Variants in TTLL7 observed in about 807,000 individuals in gnomAD.
TTLL7 encodes the protein tubulin tyrosine ligase like 7.
Under a neutral mutation model 120.2 loss-of-function variants are expected in TTLL7, and 53 were observed. The observed-to-expected ratio is 0.44, with a 90% CI of 0.35 to 0.55. The LOEUF (loss-of-function observed/expected upper bound fraction) is 0.55. Ranked by LOEUF, TTLL7 falls within the 20% of genes least tolerant of loss-of-function variation. The pLI, the probability that TTLL7 is intolerant of heterozygous loss-of-function variation, is 0.00. For synonymous variants in TTLL7, 353 were observed against 351.7 expected, an observed-to-expected ratio of 1.00 and a Z score of -0.04; for missense variants, 803 against 1,054.7, an observed-to-expected ratio of 0.76 and a Z score of 3.31.
chr1:83,970,930 C>T (rs1650916492), intron 1 of TTLL7, among the ~76,000 whole-genome samples: 1 of 151,966 alleles, frequency 6.6e-6, no homozygotes, highest in African/African-American at 2.4e-5. Context: ...CAACTAGGGT[C>T]AACCAGCAGT....
chr1:83,937,439 G>A lies in TTLL7; in HGVS notation c.888+413C>T, dbSNP rs150558257. ...GCTGGTCTCGAACTCCTGACCTCAAGTGATCCACCTGCCTCAGCCTCCCAA... is the reference window on the plus strand; with the variant it reads ...GCTGGTCTCGAACTCCTGACCTCAAATGATCCACCTGCCTCAGCCTCCCAA... On this transcript the variant is annotated intron_variant, in intron 8 of 20. Transcript: ENST00000260505. Among the ~76,000 whole-genome samples the A allele has an allele frequency of 2.5e-3, 386 of 152,220 alleles. 1 individual carries two copies. The highest frequency in any genetic ancestry group is 8.9e-3 in the African/African-American group (370 of 41,516).
chr1:83,956,493 T>A (rs1195079111), intron 1 of TTLL7, among the ~76,000 whole-genome samples: 1 of 148,766 alleles, frequency 6.7e-6, no homozygotes, highest in Non-Finnish European at 1.5e-5. Flanking sequence ...AATGGCACAA[T>A]CTTGGCTCAC....
chr1:83,920,933 C>A (rs1658596361), intron 12 of TTLL7, among the ~76,000 whole-genome samples, 154 bp downstream of exon 12: 1 of 152,042 alleles, frequency 6.6e-6, no homozygotes, highest in African/African-American at 2.4e-5. Flanking sequence ...CATCTCCCTG[C>A]TGACTACCTT....
At chr1:83,923,359 A>G (rs1171680294) in intron 10 of TTLL7, among the ~76,000 whole-genome samples, 1 of 151,974 alleles carries the variant, frequency 6.6e-6, no homozygotes, top group Non-Finnish European at 1.5e-5. Flanking sequence ...TAAACAATCC[A>G]CAAGAGAAAA....
Position 83,975,525 on chromosome 1 carries a change from C to G in TTLL7, c.-176-23138G>C, listed in dbSNP as rs7535904. Among the ~76,000 whole-genome samples, 793 of 152,056 alleles carry G rather than the reference C, an allele frequency of 5.2e-3. 10 individuals carry two copies. Among genetic ancestry groups the G allele is most frequent in the African/African-American group, 0.018 (756 of 41,514 alleles). ...AACAGATGTGTTATTTCATTTAGTC[C>G]TCACAGATTGCTTTATTAGCTCTAT... On this transcript the variant is annotated intron_variant, in intron 1 of 20. Transcript: ENST00000260505.
chr1:83,942,798 A>G, intron 6 of TTLL7, 119 bp from the exon 7 acceptor site: 1 of 702,108 alleles, frequency 1.4e-6, no homozygotes, highest in Non-Finnish European at 2.3e-6. Flanking sequence ...CTGTCCCTCC[A>G]CAAAAGCAAT....
At chr1:83,918,738 A>C (rs1376930713) in intron 13 of TTLL7, among the ~76,000 whole-genome samples, 1 of 152,314 alleles carries the variant, frequency 6.6e-6, no homozygotes, top group South Asian at 2.1e-4. Context: ...CTAAAACATC[A>C]GAAAGCTTTA....
At position 83,951,895 on chromosome 1, in the gene TTLL7, T is replaced by A; in HGVS notation, c.107A>T (p.Lys36Ile). The A allele has an allele frequency of 6.2e-7, 1 of 1,613,676 alleles. No individual in the cohort carries two copies. The highest frequency in any genetic ancestry group is 8.5e-7 in the Non-Finnish European group (1 of 1,179,848). Reference sequence around the variant, plus strand: ...ATTTGCTGTAATGGTTCCCTTCTTTTTCTTCTTTCTGACTTTCCTTTTCAT... The same window carrying A: ...ATTTGCTGTAATGGTTCCCTTCTTTATCTTCTTTCTGACTTTCCTTTTCAT... ...STMKRKVRKK[K>I]KKGTITANVA... The change falls in exon 3 of 21, where the codon AAA (lysine) becomes ATA (isoleucine). Residue 36 changes from lysine to isoleucine, a missense_variant. By Grantham distance (102) the Lys-to-Ile change is moderately radical (BLOSUM62 -3). Around this residue, in one of 3 missense-constraint regions of TTLL7, gnomAD observed 91 missense variants for 96.6 expected, o/e 0.94. Transcript: ENST00000260505.
In TTLL7 at chr1:83,877,120, C is replaced by A. The variant is rs150613348; in HGVS notation, c.2543+5843G>T. Reference sequence around the variant, plus strand: ...AGCATGAATGCATATTGAATTCTATCAAGATTTTTATCTCTATCTTTTGAA... The same window carrying A: ...AGCATGAATGCATATTGAATTCTATAAAGATTTTTATCTCTATCTTTTGAA... On this transcript the variant is annotated intron_variant, in intron 20 of 20. Transcript: ENST00000260505. Among the ~76,000 whole-genome samples the A allele has an allele frequency of 7.2e-3, 1,096 of 152,088 alleles. 19 individuals are homozygous for A. Among genetic ancestry groups the A allele is most frequent in the African/African-American group, 0.025 (1,049 of 41,544 alleles).
chr1:83,928,614 T>A (rs1014993903), intron 10 of TTLL7, among the ~76,000 whole-genome samples: 3 of 152,066 alleles, frequency 2.0e-5, no homozygotes, highest in African/African-American at 7.2e-5. Context: ...AACAACTGCC[T>A]CTCTTTTTTA....
intron 1 of TTLL7, among the ~76,000 whole-genome samples, chr1:83,976,091 T>C (rs961975125): frequency 7.3e-5 from 11 of 151,160 alleles, no homozygotes; most frequent in African/African-American, 2.7e-4. Flanking sequence ...GTGTGTACTA[T>C]GTCAAGAAGT....
At position 83,919,738 on chromosome 1, in the gene TTLL7, T is replaced by C; in HGVS notation, c.1461A>G (p.Ser487=). ...FQTFLSGRAA[S]FQRELNNPLK... is the part of the protein sequence containing the mutation. ...AAGGATTATTCAACTCTCGCTGGAA[T>C]GAAGCTGCTCTTCCTGAAAGGAAGG... Residue 487 remains serine (S), a synonymous_variant, in exon 13 of 21, where the codon TCA becomes TCG. Coordinates refer to ENST00000260505, the MANE Select transcript of TTLL7 (RefSeq NM_024686.6). 2 of 1,613,024 alleles carry C rather than the reference T, an allele frequency of 1.2e-6. No individual in the cohort carries two copies. The highest frequency in any genetic ancestry group is 1.7e-6 in the Non-Finnish European group (2 of 1,179,454).
At chr1:83,985,273 AAAG>A (rs1191150097) in intron 1 of TTLL7, among the ~76,000 whole-genome samples, 1 of 152,186 alleles carries the variant, frequency 6.6e-6, no homozygotes, top group African/African-American at 2.4e-5. Flanking sequence ...TCCAAAGGCC[AAAG>A]AACCTGCAGT....
intron 18 of TTLL7, among the ~76,000 whole-genome samples, chr1:83,893,593 A>G (rs911236513): frequency 1.3e-5 from 2 of 152,150 alleles, no homozygotes; most frequent in African/African-American, 4.8e-5. Flanking sequence ...AAGCAGATGA[A>G]AGAATGATTT....
At chr1:83,915,857 A>T (rs1323026113) in intron 14 of TTLL7, among the ~76,000 whole-genome samples, 2 of 152,266 alleles carry the variant, frequency 1.3e-5, no homozygotes. Flanking sequence ...TCTCAAAAGA[A>T]GACATTTATG....
At chr1:83,949,799 A>T (rs1648869340) in intron 4 of TTLL7, 66 bp downstream of exon 4, 2 of 1,574,100 alleles carry the variant, frequency 1.3e-6, no homozygotes, top group Non-Finnish European at 8.7e-7. Context: ...GAACCTATCT[A>T]AAAAAGTTAT....
chr1:83,933,482 T>C lies in TTLL7; in HGVS notation c.1047+126A>G, dbSNP rs192571336. 4.2e-6 allele frequency: 4 copies of C among 963,186 alleles called. No homozygotes were observed. The East Asian group carries it at 9.9e-5, about 24-fold the overall frequency. 59.7% of individuals were successfully genotyped at this position (963,186 alleles called of 1,614,324 possible). A position where few individuals can be genotyped will look rare whatever the true frequency, so the allele number is the denominator to read the frequency against. ...TGAATTTTTATCCTCTTCTTCCCACTTATTCCATTCAGCCTTCATTCTGGA... is the reference window on the plus strand; with the variant it reads ...TGAATTTTTATCCTCTTCTTCCCACCTATTCCATTCAGCCTTCATTCTGGA... On this transcript the variant is annotated intron_variant, in intron 9 of 20. Transcript: ENST00000260505.
At chr1:83,993,316 T>C (rs931550623) in intron 1 of TTLL7, among the ~76,000 whole-genome samples, 14 of 152,194 alleles carry the variant, frequency 9.2e-5, no homozygotes, top group Admixed American at 3.9e-4. Context: ...AATCTAAAAA[T>C]GCTCAATTTA....
At chr1:83,887,154 T>A in intron 19 of TTLL7, 1 of 884,728 alleles carries the variant, frequency 1.1e-6, no homozygotes, top group South Asian at 2.3e-5. Context: ...TTTCTGGAGG[T>A]AGACAGGGGA....
Sources: gnomAD v4.1 joint callset for allele counts (sites outside exome capture counted in the v4.1 genomes callset) on GRCh38, gnomAD v4.1.1 for gene constraint, gnomAD v4.1.1 regional missense constraint, MANE v1.5 for transcripts, NCBI Gene and HGNC (gene_info 2026-07-23, HGNC 2026-07-21) for gene names.